Variants in TSHZ1 observed in about 807,000 individuals in gnomAD.
The protein encoded by TSHZ1 is teashirt zinc finger homeobox 1.
TSHZ1 carries 12 observed loss-of-function variants against 67.1 expected under a neutral mutation model. That is an observed-to-expected ratio of 0.18 (90% CI 0.11 to 0.29). TSHZ1 has a LOEUF of 0.29. Among genes scored for constraint, TSHZ1 ranks in the 10% least tolerant of loss-of-function variants. The pLI, the probability that TSHZ1 is intolerant of heterozygous loss-of-function variation, is 1.00. For synonymous variants in TSHZ1, 632 were observed against 622.4 expected, an observed-to-expected ratio of 1.02 and a Z score of -0.23; for missense variants, 1,305 against 1,413.9, an observed-to-expected ratio of 0.92 and a Z score of 1.23.
At chr18:75,241,397 T>G (rs970014273) in intron 1 of TSHZ1, among the ~76,000 whole-genome samples, 1 of 152,170 alleles carries the variant, frequency 6.6e-6, no homozygotes, top group African/African-American at 2.4e-5. Flanking sequence ...GGCTCTCCTG[T>G]GCCATCTGGG....
rs551915700 is a variant in TSHZ1, at chr18:75,286,129, C to T, written c.722C>T (p.Thr241Met). The change falls in exon 2 of 2, where the codon ACG (threonine) becomes ATG (methionine). Residue 241 changes from threonine to methionine, a missense_variant. Thr to Met is a moderately conservative substitution (Grantham distance 81, BLOSUM62 -1). This residue lies in a region of TSHZ1 where 358 missense variants were observed against 375.6 expected (regional missense o/e 0.95). Coordinates refer to ENST00000580243, the MANE Select transcript of TSHZ1 (RefSeq NM_001308210.2). This position sits in a 1 kb window ranked among gnomAD's most constrained non-coding sequence, Gnocchi z 5.1. The stretch of plus-strand genomic sequence containing the variant: ...AACAAGCTCTACGGCTCCGTCTTCA[C>T]GGGCGCCAGCAAGTTCCGGTGCAAA... ...QNNKLYGSVF[T>M]GASKFRCKDC... 1.8e-5 allele frequency: 29 copies of T among 1,613,086 alleles called. No individual in the cohort carries two copies. The highest frequency in any genetic ancestry group is 4.5e-5 in the East Asian group (2 of 44,832).
Position 75,287,354 on chromosome 18 carries a change from G to A in TSHZ1, c.1947G>A (p.Lys649=), listed in dbSNP as rs2023788551. The change falls in exon 2 of 2, where the codon AAG becomes AAA. Residue 649 remains lysine, a synonymous_variant. Coordinates refer to ENST00000580243, the MANE Select transcript of TSHZ1 (RefSeq NM_001308210.2). The surrounding 1 kb of genome is among the most constrained non-coding windows in gnomAD (Gnocchi z 5.0). ...AGCTGGTGGAGAAGGTCACGGGCAA[G>A]GTCAACATCAAGAAGGAGGAGAGAC... The part of the protein sequence containing the change: ...MEELVEKVTG[K]VNIKKEERPP... The A allele has an allele frequency of 1.2e-6, 2 of 1,614,016 alleles. No homozygotes were observed. The highest frequency in any genetic ancestry group is 1.7e-6 in the Non-Finnish European group (2 of 1,180,050).
intron 1 of TSHZ1, among the ~76,000 whole-genome samples, chr18:75,234,518 G>A (rs1355537366): frequency 6.6e-6 from 1 of 152,120 alleles, no homozygotes; most frequent in South Asian, 2.1e-4. Flanking sequence ...AGTTCTGGAG[G>A]ATGGGATAGT....
At chr18:75,232,783 T>C (rs952885679) in intron 1 of TSHZ1, among the ~76,000 whole-genome samples, 1 of 152,218 alleles carries the variant, frequency 6.6e-6, no homozygotes, top group African/African-American at 2.4e-5. Context: ...TGAAAAGAAA[T>C]TTAGTGCATA....
chr18:75,211,629 C>G lies in TSHZ1; in HGVS notation c.-248C>G. The G allele has an allele frequency of 1.5e-5, 1 of 67,326 alleles. No individual in the cohort carries two copies. Among genetic ancestry groups the G allele is most frequent in the East Asian group, 4.9e-4 (1 of 2,048 alleles). The allele number at this position is 67,326 out of a possible 1,614,324, so 4.2% of individuals were successfully genotyped here. ...GGGCTCGGCGCCCAGGCCCCGCGCG[C>G]TCCGCCCGCAGCCCGGCGCCGGGAA... On this transcript the variant is annotated 5_prime_UTR_variant, in exon 1 of 2. Transcript: ENST00000580243.
At chr18:75,240,492 C>T (rs186775196) in intron 1 of TSHZ1, among the ~76,000 whole-genome samples, 108 of 152,180 alleles carry the variant, frequency 7.1e-4, no homozygotes, top group African/African-American at 2.4e-3. Flanking sequence ...TTGTGTGCCG[C>T]GTCCTGCAGT....
Position 75,287,351 on chromosome 18 carries a change from C to T in TSHZ1, c.1944C>T (p.Gly648=), listed in dbSNP as rs777896471. The part of the protein sequence containing the change: ...AMEELVEKVT[G]KVNIKKEERP... ...AGGAGCTGGTGGAGAAGGTCACGGGCAAGGTCAACATCAAGAAGGAGGAGA... is the reference window on the plus strand; with the variant it reads ...AGGAGCTGGTGGAGAAGGTCACGGGTAAGGTCAACATCAAGAAGGAGGAGA... Residue 648 remains glycine (G), a synonymous_variant, in exon 2 of 2, where the codon GGC becomes GGT. Transcript: ENST00000580243. The surrounding 1 kb of genome is among the most constrained non-coding windows in gnomAD (Gnocchi z 5.0). 1 of 1,614,084 alleles carries T rather than the reference C, an allele frequency of 6.2e-7. No individual in the cohort carries two copies. The highest frequency in any genetic ancestry group is 2.2e-5 in the East Asian group (1 of 44,862).
chr18:75,214,496 T>C (rs1341420191), intron 1 of TSHZ1, among the ~76,000 whole-genome samples: 3 of 152,234 alleles, frequency 2.0e-5, no homozygotes, highest in Admixed American at 2.0e-4. Context: ...TTTTCCAAAG[T>C]GTTTTTATTA....
chr18:75,288,297 G>A lies in TSHZ1; in HGVS notation c.2890G>A (p.Asp964Asn). 1 of 1,614,202 alleles carries A rather than the reference G, an allele frequency of 6.2e-7. No homozygotes were observed. The highest frequency in any genetic ancestry group is 8.5e-7 in the Non-Finnish European group (1 of 1,180,040). ...GGGAACGAAATTCCTAAAGAACCTG[G>A]ACACAGGGCATCCTGTTTTCTTTTG... is the stretch of plus-strand genomic sequence containing the variant. ...TGGTKFLKNL[D>N]TGHPVFFCND... The change falls in exon 2 of 2, where the codon GAC (aspartate) becomes AAC (asparagine). Residue 964 changes from aspartate to asparagine, a missense_variant. Coordinates refer to ENST00000580243, the MANE Select transcript of TSHZ1 (RefSeq NM_001308210.2). The surrounding 1 kb of genome is among the most constrained non-coding windows in gnomAD (Gnocchi z 4.9).
Position 75,287,866 on chromosome 18 carries a change from T to C in TSHZ1, c.2459T>C (p.Leu820Pro), listed in dbSNP as rs943788971. The change falls in exon 2 of 2, where the codon CTG becomes CCG. Residue 820 changes from leucine to proline, a missense_variant. Physicochemically the swap from Leu to Pro is moderately conservative, Grantham distance 98. Transcript: ENST00000580243. The surrounding 1 kb of genome is among the most constrained non-coding windows in gnomAD (Gnocchi z 5.0). ...TTAACCAAGTCCAAGAACAAGCCGC[T>C]GGTGTCCAGCGTGGCTGATTCGGTG... ...IDLTKSKNKP[L>P]VSSVADSVAS... 1.2e-6 allele frequency: 2 copies of C among 1,614,198 alleles called. No individual in the cohort carries two copies. The highest frequency in any genetic ancestry group is 1.7e-6 in the Non-Finnish European group (2 of 1,180,040).
intron 1 of TSHZ1, among the ~76,000 whole-genome samples, chr18:75,241,486 G>T (rs973235800): frequency 6.6e-6 from 1 of 152,116 alleles, no homozygotes; most frequent in African/African-American, 2.4e-5. Flanking sequence ...GGGTTGGCGG[G>T]ATGTGCGTCT....
intron 1 of TSHZ1, among the ~76,000 whole-genome samples, chr18:75,224,669 G>A (rs974845432): frequency 6.6e-6 from 1 of 152,110 alleles, no homozygotes; most frequent in African/African-American, 2.4e-5. Context: ...ACTCGATTTG[G>A]AGCCTGCCTG....
chr18:75,271,826 TA>T (rs1352437519), intron 1 of TSHZ1, among the ~76,000 whole-genome samples: 1 of 144,824 alleles, frequency 6.9e-6, no homozygotes, highest in Non-Finnish European at 1.5e-5. Flanking sequence ...TGAGTCCAAC[TA>T]GCCTGGGAAT....
Position 75,287,284 on chromosome 18 carries a change from G to C in TSHZ1, c.1877G>C (p.Ser626Thr). 6.2e-7 allele frequency: 1 copy of C among 1,614,036 alleles called. No homozygotes were observed. Among genetic ancestry groups the C allele is most frequent in the Non-Finnish European group, 8.5e-7 (1 of 1,179,992 alleles). ...AACGCCCTCCTGCACTCCCCAGGGAGCCTCACGCCCCCACCGCACAAGAGC... is the reference window on the plus strand; with the variant it reads ...AACGCCCTCCTGCACTCCCCAGGGACCCTCACGCCCCCACCGCACAAGAGC... ...EHNALLHSPG[S>T]LTPPPHKSNV... The change falls in exon 2 of 2, where the codon AGC (serine) becomes ACC (threonine). Residue 626 changes from serine (S) to threonine (T), a missense_variant. Ser to Thr is a moderately conservative substitution (Grantham distance 58, BLOSUM62 1). Coordinates refer to ENST00000580243, the MANE Select transcript of TSHZ1 (RefSeq NM_001308210.2). This position sits in a 1 kb window ranked among gnomAD's most constrained non-coding sequence, Gnocchi z 5.0.
chr18:75,268,324 A>G (rs948465577), intron 1 of TSHZ1, among the ~76,000 whole-genome samples: 1 of 152,194 alleles, frequency 6.6e-6, no homozygotes, highest in African/African-American at 2.4e-5. Flanking sequence ...TCTACATGAT[A>G]GGAGAGAGGA....
At chr18:75,262,888 A>G (rs958067482) in intron 1 of TSHZ1, among the ~76,000 whole-genome samples, 1 of 152,194 alleles carries the variant, frequency 6.6e-6, no homozygotes, top group Non-Finnish European at 1.5e-5. Flanking sequence ...GGCTCAGAGA[A>G]CATTTTCAGG....
chr18:75,232,193 G>T (rs7241168), intron 1 of TSHZ1, among the ~76,000 whole-genome samples: 1 of 151,916 alleles, frequency 6.6e-6, no homozygotes, highest in Non-Finnish European at 1.5e-5. Context: ...GATTACAGGC[G>T]TGAGCCACTG....
rs1048875790 is a variant in TSHZ1, at chr18:75,236,940, C to T, written c.40+25024C>T. Among the ~76,000 whole-genome samples the T allele has an allele frequency of 3.4e-4, 52 of 152,090 alleles. 1 individual carries two copies. Among genetic ancestry groups the T allele is most frequent in the Non-Finnish European group, 4.0e-4 (27 of 68,018 alleles). The stretch of plus-strand genomic sequence containing the variant: ...TGACTCCTTGACCTCTCAAACCATC[C>T]GTAAGTTGTTAAAGCTTTAGTTTTT... On this transcript the variant is annotated intron_variant, in intron 1 of 1. Coordinates refer to ENST00000580243, the MANE Select transcript of TSHZ1 (RefSeq NM_001308210.2).
At chr18:75,212,174 G>A (rs1007026784) in intron 1 of TSHZ1, among the ~76,000 whole-genome samples, 6 of 152,166 alleles carry the variant, frequency 3.9e-5, no homozygotes, top group African/African-American at 9.7e-5. Context: ...GCCGGGGGAG[G>A]CCGGGGGCCG....
Sources: allele counts gnomAD v4.1 joint callset (sites outside exome capture counted in the v4.1 genomes callset), GRCh38; gene constraint gnomAD v4.1.1; regional missense constraint gnomAD v4.1.1; non-coding constraint Gnocchi (gnomAD v3.1); transcripts MANE v1.5; gene names NCBI Gene and HGNC (gene_info 2026-07-23, HGNC 2026-07-21).